Variants in VAV2 observed in about 807,000 individuals in gnomAD.
VAV2 encodes the protein guanine nucleotide exchange factor VAV2.
A neutral mutation model predicts 132.5 loss-of-function variants in VAV2; 67 were observed. The observed-to-expected ratio is 0.51, with a 90% CI of 0.42 to 0.62. The LOEUF is 0.62. Among genes scored for constraint, VAV2 ranks in the 20% least tolerant of loss-of-function variants. The pLI, the probability that VAV2 is intolerant of heterozygous loss-of-function variation, is 0.00. For missense variants in VAV2, 938 were observed against 1,153.6 expected (o/e 0.81, Z 2.71); for synonymous variants, 492 against 443.5 (o/e 1.11, Z -1.37).
In VAV2 at chr9:133,797,008, C is replaced by T. The variant is rs1032595703; in HGVS notation, c.937-484G>A. Among the ~76,000 whole-genome samples the T allele has an allele frequency of 1.2e-4, 18 of 152,328 alleles. 1 individual carries two copies. Among genetic ancestry groups the T allele is most frequent in the African/African-American group, 4.1e-4 (17 of 41,572 alleles). On this transcript the variant is annotated intron_variant, in intron 10 of 29. Coordinates refer to ENST00000371850, the MANE Select transcript of VAV2 (RefSeq NM_001134398.2). ...GGCATTCCCCCATTCATTGACTGGA[C>T]TTGGGGGGCATCGTGCATCTCTACT...
At chr9:133,873,078 A>C (rs981975918) in intron 2 of VAV2, among the ~76,000 whole-genome samples, 11 of 117,526 alleles carry the variant, frequency 9.4e-5, no homozygotes, top group African/African-American at 1.3e-4. Context: ...GAGCCACTGC[A>C]CTCCAGCCTG....
chr9:133,953,335 T>C (rs1301657505), intron 1 of VAV2, among the ~76,000 whole-genome samples: 1 of 152,228 alleles, frequency 6.6e-6, no homozygotes, highest in African/African-American at 2.4e-5. Flanking sequence ...GCACTTGGAA[T>C]GGCTTTGGGA....
At chr9:133,899,323 G>C (rs1217374491) in intron 2 of VAV2, among the ~76,000 whole-genome samples, 3 of 151,748 alleles carry the variant, frequency 2.0e-5, no homozygotes, top group Non-Finnish European at 4.4e-5. Flanking sequence ...TTGGGAGGCC[G>C]AGGTGAGTGG....
intron 1 of VAV2, among the ~76,000 whole-genome samples, chr9:133,971,207 G>T (rs1045692634): frequency 6.6e-6 from 1 of 152,174 alleles, no homozygotes; most frequent in African/African-American, 2.4e-5. Context: ...TGGAACAGTC[G>T]TAACTGCTGC....
At chr9:133,917,417 C>T (rs1421548969) in intron 2 of VAV2, among the ~76,000 whole-genome samples, 1 of 145,868 alleles carries the variant, frequency 6.9e-6, no homozygotes, top group African/African-American at 2.7e-5. Context: ...GGGAACCCAT[C>T]ATGAGAAAAA....
At chr9:133,920,803 A>G (rs1043668216) in intron 2 of VAV2, among the ~76,000 whole-genome samples, 4 of 151,314 alleles carry the variant, frequency 2.6e-5, no homozygotes, top group Non-Finnish European at 4.4e-5. Flanking sequence ...ACGGGGCCGC[A>G]CCTCCACTAG....
intron 1 of VAV2, among the ~76,000 whole-genome samples, chr9:133,954,777 T>TGA (rs1554817200): frequency 1.8e-4 from 27 of 151,842 alleles, no homozygotes; most frequent in African/African-American, 6.1e-4. Flanking sequence ...TGTGTGCACA[T>TGA]GTATGTGTGC....
chr9:133,817,651 G>A (rs149796317), intron 4 of VAV2, among the ~76,000 whole-genome samples: 6 of 152,236 alleles, frequency 3.9e-5, no homozygotes, highest in Non-Finnish European at 5.9e-5. Flanking sequence ...AACTTCCACC[G>A]TACTATCTTC....
Position 133,763,039 on chromosome 9 carries a change from G to A in VAV2, c.*1023C>T, listed in dbSNP as rs1460726115. 1 of 152,642 alleles carries A rather than the reference G, an allele frequency of 6.6e-6. No individual in the cohort carries two copies. Among genetic ancestry groups the A allele is most frequent in the Admixed American group, 6.5e-5 (1 of 15,274 alleles). The allele number at this position is 152,642 out of a possible 1,614,324, so 9.5% of individuals were successfully genotyped here. A position where few individuals can be genotyped will look rare whatever the true frequency, so the allele number is the denominator to read the frequency against. ...AGCCACCCCCAAGAGCACTTATTTT[G>A]AGTCGCCCGAGGCCCAGTTTGTAGG... is the stretch of plus-strand genomic sequence containing the variant. On this transcript the variant is annotated 3_prime_UTR_variant, in exon 30 of 30. Transcript: ENST00000371850. The surrounding 1 kb of genome is among the most constrained non-coding windows in gnomAD (Gnocchi z 6.8).
chr9:133,767,215 T>G (rs1213632411), intron 29 of VAV2, among the ~76,000 whole-genome samples: 9 of 152,166 alleles, frequency 5.9e-5, no homozygotes, highest in Non-Finnish European at 1.3e-4. Flanking sequence ...CTTCCCCAAC[T>G]ATTTATAAGA....
rs187591468 is a variant in VAV2, at chr9:133,955,992, G to T, written c.205-16773C>A. 7.4e-3 allele frequency among the ~76,000 whole-genome samples: 1,115 copies of T among 151,224 alleles called. 11 individuals are homozygous for T. Among genetic ancestry groups the T allele is most frequent in the Non-Finnish European group, 0.012 (795 of 67,850 alleles). On this transcript the variant is annotated intron_variant, in intron 1 of 29. Transcript: ENST00000371850. The stretch of plus-strand genomic sequence containing the variant: ...TCAGACGGGCAGCCAGCACCTCACT[G>T]CCCATCTGCTCCTTCCCTGCTTACT...
intron 1 of VAV2, among the ~76,000 whole-genome samples, chr9:133,954,355 C>A (rs562355013): frequency 6.6e-6 from 1 of 152,342 alleles, no homozygotes; most frequent in South Asian, 2.1e-4. Flanking sequence ...CACCATGGGG[C>A]GGCAAGGCAC....
In VAV2 at chr9:133,950,737, C is replaced by T. The variant is rs764188252; in HGVS notation, c.205-11518G>A. 5.6e-4 allele frequency among the ~76,000 whole-genome samples: 85 copies of T among 152,340 alleles called. 1 individual carries two copies. Among genetic ancestry groups the T allele is most frequent in the Non-Finnish European group, 9.3e-4 (63 of 68,040 alleles). On this transcript the variant is annotated intron_variant, in intron 1 of 29. Transcript: ENST00000371850. ...GCGCCTCGGCCCTCCGGGTTGCTCT[C>T]ATAGGACCTCAGCCCCTCCTCTCTG...
At position 133,967,464 on chromosome 9, in the gene VAV2, T is replaced by C. The variant is rs1382664361; in HGVS notation, c.204+24611A>G. Reference sequence around the variant, plus strand: ...TATATCTGCACTCCCACCTTTACCGTAGCACTATTCACAATCAACCTAAAT... The same window carrying C: ...TATATCTGCACTCCCACCTTTACCGCAGCACTATTCACAATCAACCTAAAT... On this transcript the variant is annotated intron_variant, in intron 1 of 29. Coordinates refer to ENST00000371850, the MANE Select transcript of VAV2 (RefSeq NM_001134398.2). Among the ~76,000 whole-genome samples, 6 of 152,326 alleles carry C rather than the reference T, an allele frequency of 3.9e-5. No homozygotes were observed. In the South Asian group the frequency reaches 8.3e-4, roughly 21 times the overall value.
intron 12 of VAV2, 84 bp downstream of exon 12, chr9:133,795,584 G>A (rs770352352): frequency 6.6e-7 from 1 of 1,525,804 alleles, no homozygotes; most frequent in Non-Finnish European, 9.1e-7. Context: ...CAAAACTGAG[G>A]CTCGTTAATG....
At chr9:133,960,855 G>C (rs1159652170) in intron 1 of VAV2, among the ~76,000 whole-genome samples, 1 of 152,252 alleles carries the variant, frequency 6.6e-6, no homozygotes, top group Non-Finnish European at 1.5e-5. Flanking sequence ...CTCCACACTG[G>C]CTGGTGCCAG....
chr9:133,825,911 A>G (rs7857083), intron 4 of VAV2, among the ~76,000 whole-genome samples: 4,216 of 152,238 alleles, frequency 0.028, 183 homozygotes, highest in African/African-American at 0.094. Flanking sequence ...CATTTTATGC[A>G]CCCTAAAAAA....
At chr9:133,984,754 A>C (rs1355601067) in intron 1 of VAV2, among the ~76,000 whole-genome samples, 2 of 152,142 alleles carry the variant, frequency 1.3e-5, no homozygotes, top group Non-Finnish European at 2.9e-5. Context: ...CTAAAAATAC[A>C]AACATTAGCC....
chr9:133,830,236 G>A (rs146810326), intron 4 of VAV2, among the ~76,000 whole-genome samples: 1 of 152,214 alleles, frequency 6.6e-6, no homozygotes, highest in Non-Finnish European at 1.5e-5. Context: ...TCTGGCTATG[G>A]GCCCAAAGCA....
Sources: allele counts gnomAD v4.1 joint callset (sites outside exome capture counted in the v4.1 genomes callset), GRCh38; gene constraint gnomAD v4.1.1; non-coding constraint Gnocchi (gnomAD v3.1); transcripts MANE v1.5; gene names NCBI Gene and HGNC (gene_info 2026-07-23, HGNC 2026-07-21).